Variants in GRIN2A observed in about 807,000 individuals in gnomAD.
The protein encoded by GRIN2A is glutamate receptor ionotropic, NMDA 2A.
Under a neutral mutation model 113.4 loss-of-function variants are expected in GRIN2A, and 22 were observed. That is an observed-to-expected ratio of 0.19 (90% CI 0.14 to 0.28). GRIN2A has a LOEUF of 0.28. Among genes scored for constraint, GRIN2A ranks in the 10% least tolerant of loss-of-function variants. The pLI, the probability that GRIN2A is intolerant of heterozygous loss-of-function variation, is 1.00. For synonymous variants in GRIN2A, 827 were observed against 738.4 expected, an observed-to-expected ratio of 1.12 and a Z score of -1.94; for missense variants, 1,502 against 1,887.0, an observed-to-expected ratio of 0.80 and a Z score of 3.78.
In GRIN2A at chr16:9,757,668, A is replaced by C. The variant is rs535848412; in HGVS notation, c.*5481T>G. The C allele has an allele frequency of 5.9e-5, 13 of 220,758 alleles. No homozygotes were observed. The South Asian group carries it at 1.9e-3, about 31-fold the overall frequency. 13.7% of individuals were successfully genotyped at this position (220,758 alleles called of 1,614,324 possible). ...TTGGTTCTTCCTCAATGCATGATAC[A>C]TAGACCTCAATTATTTCAATGGTCA... On this transcript the variant is annotated 3_prime_UTR_variant, in exon 13 of 13. Transcript: ENST00000330684.
intron 2 of GRIN2A, among the ~76,000 whole-genome samples, chr16:10,142,100 T>C (rs1025985203): frequency 6.6e-6 from 1 of 152,104 alleles, no homozygotes; most frequent in Admixed American, 6.5e-5. Context: ...TTATAGGAAA[T>C]ATCCCAAAGC....
intron 2 of GRIN2A, among the ~76,000 whole-genome samples, chr16:10,142,825 A>G (rs896093344): frequency 2.0e-5 from 3 of 152,190 alleles, no homozygotes; most frequent in African/African-American, 7.2e-5. Flanking sequence ...TCACATTCCC[A>G]TGTAAAATTC....
intron 2 of GRIN2A, among the ~76,000 whole-genome samples, chr16:9,972,503 C>T (rs1228915652): frequency 1.3e-5 from 2 of 151,974 alleles, no homozygotes; most frequent in African/African-American, 2.4e-5. Flanking sequence ...TCTAACAATA[C>T]ACTTAATGAG....
intron 7 of GRIN2A, 63 bp from the exon 8 acceptor site, chr16:9,834,293 G>A: frequency 2.6e-6 from 4 of 1,560,614 alleles, no homozygotes; most frequent in Non-Finnish European, 3.5e-6. Flanking sequence ...CTTCCAGCAG[G>A]AAGCCCAGAC....
chr16:9,814,473 G>T (rs993707502), intron 10 of GRIN2A, among the ~76,000 whole-genome samples: 2 of 152,164 alleles, frequency 1.3e-5, no homozygotes, highest in African/African-American at 4.8e-5. Flanking sequence ...CTCACTAATT[G>T]TCAGGTCACA....
intron 2 of GRIN2A, among the ~76,000 whole-genome samples, chr16:10,077,834 C>G (rs2047904759): frequency 6.6e-6 from 1 of 152,132 alleles, no homozygotes; most frequent in Admixed American, 6.5e-5. Context: ...TCTTTAGGGT[C>G]TTTATCCAAA....
At chr16:10,054,891 C>CA (rs1446589313) in intron 2 of GRIN2A, among the ~76,000 whole-genome samples, 1 of 150,606 alleles carries the variant, frequency 6.6e-6, no homozygotes, top group Non-Finnish European at 1.5e-5. Flanking sequence ...ACTAAGAACA[C>CA]AAAAAATTAG....
intron 3 of GRIN2A, among the ~76,000 whole-genome samples, chr16:9,919,853 C>T (rs2044325848): frequency 6.6e-6 from 1 of 152,214 alleles, no homozygotes; most frequent in Non-Finnish European, 1.5e-5. Flanking sequence ...TTCCCAGTTC[C>T]AGGTCTTTGC....
intron 2 of GRIN2A, among the ~76,000 whole-genome samples, chr16:10,036,400 T>C (rs76655943): frequency 0.21 from 31,902 of 150,544 alleles, 4,140 homozygotes; most frequent in East Asian, 0.52. Flanking sequence ...TCATAGATGG[T>C]GTTCTATTTA....
chr16:9,846,266 C>T (rs1207254726), intron 5 of GRIN2A, among the ~76,000 whole-genome samples: 1 of 152,114 alleles, frequency 6.6e-6, no homozygotes, highest in Non-Finnish European at 1.5e-5. Context: ...AACTTCATCC[C>T]AGGGAGCCAC....
chr16:9,927,554 G>A (rs1041415735), intron 3 of GRIN2A, among the ~76,000 whole-genome samples: 6 of 152,036 alleles, frequency 3.9e-5, no homozygotes, highest in South Asian at 2.1e-4. Context: ...TTTTTGTTAC[G>A]GGAACTAATT....
chr16:9,995,766 T>C (rs1389872696), intron 2 of GRIN2A, among the ~76,000 whole-genome samples: 10 of 152,058 alleles, frequency 6.6e-5, no homozygotes, highest in African/African-American at 2.4e-4. Flanking sequence ...ATATCCTCAG[T>C]ATGCTTTTTC....
At chr16:9,957,413 G>T (rs1339767460) in intron 2 of GRIN2A, among the ~76,000 whole-genome samples, 1 of 152,174 alleles carries the variant, frequency 6.6e-6, no homozygotes, top group Non-Finnish European at 1.5e-5. Context: ...TTTCACTTCT[G>T]CGAGCACTCT....
intron 11 of GRIN2A, among the ~76,000 whole-genome samples, chr16:9,774,536 T>G (rs1306848609): frequency 1.3e-5 from 2 of 152,218 alleles, no homozygotes; most frequent in African/African-American, 4.8e-5. Flanking sequence ...TATTTTTCTA[T>G]TTAACAAAAT....
chr16:10,033,930 T>G (rs2046976907), intron 2 of GRIN2A: 1 of 152,286 alleles, frequency 6.6e-6, no homozygotes, highest in African/African-American at 2.4e-5. Flanking sequence ...GCCTTCCTTC[T>G]CCTGCCTTCT....
intron 4 of GRIN2A, among the ~76,000 whole-genome samples, chr16:9,854,437 G>T (rs1392983147): frequency 6.6e-6 from 1 of 151,994 alleles, no homozygotes; most frequent in East Asian, 1.9e-4. Flanking sequence ...AGAACCAATG[G>T]GTTGAATCCT....
chr16:9,908,063 G>A (rs976130591), intron 3 of GRIN2A, among the ~76,000 whole-genome samples: 2 of 152,210 alleles, frequency 1.3e-5, no homozygotes, highest in Non-Finnish European at 2.9e-5. Flanking sequence ...GATGGCATGT[G>A]AGAACCATCA....
intron 2 of GRIN2A, among the ~76,000 whole-genome samples, chr16:10,060,613 G>C (rs942644897): frequency 1.3e-5 from 2 of 152,186 alleles, no homozygotes; most frequent in African/African-American, 4.8e-5. Context: ...TGTATCATTT[G>C]TTCCTGCAAG....
intron 11 of GRIN2A, among the ~76,000 whole-genome samples, chr16:9,771,660 G>C (rs1014360127): frequency 6.8e-6 from 1 of 147,554 alleles, no homozygotes; most frequent in Non-Finnish European, 1.5e-5. Context: ...TTTTGACCAT[G>C]AGCTAATCTT....
Sources: gnomAD v4.1 joint callset for allele counts (sites outside exome capture counted in the v4.1 genomes callset) on GRCh38, gnomAD v4.1.1 for gene constraint, MANE v1.5 for transcripts, NCBI Gene and HGNC (gene_info 2026-07-23, HGNC 2026-07-21) for gene names.